The following THADA variants were observed in gnomAD, a reference collection of about 807,000 sequenced individuals.
THADA encodes the protein tRNA (32-2'-O)-methyltransferase regulator THADA.
In THADA, 213 loss-of-function variants were observed where a neutral mutation model predicts 219.8. The observed-to-expected ratio is 0.97, with a 90% CI of 0.87 to 1.09. THADA has a LOEUF of 1.09. THADA is among the 50% of genes least tolerant of loss of function. The pLI is 0.00. For missense variants in THADA, 2,956 were observed against 2,311.3 expected (o/e 1.28, Z -5.72); for synonymous variants, 1,018 against 828.9 (o/e 1.23, Z -3.92).
At chr2:43,345,194 C>T (rs964087822) in intron 29 of THADA, among the ~76,000 whole-genome samples, 4 of 152,202 alleles carry the variant, frequency 2.6e-5, no homozygotes, top group African/African-American at 7.2e-5. Context: ...CCAGATTCAA[C>T]GTTTTCCTCT....
intron 26 of THADA, among the ~76,000 whole-genome samples, chr2:43,470,474 T>G (rs1037682984): frequency 6.6e-6 from 1 of 152,164 alleles, no homozygotes; most frequent in Non-Finnish European, 1.5e-5. Context: ...TAAGGAATGT[T>G]ACTTAAGCAC....
chr2:43,481,851 C>G (rs1446745123), intron 26 of THADA, among the ~76,000 whole-genome samples: 1 of 152,156 alleles, frequency 6.6e-6, no homozygotes, highest in African/African-American at 2.4e-5. Context: ...TTTGGCAAAG[C>G]ACACTCCAAG....
chr2:43,313,483 C>A (rs1009773967), intron 31 of THADA, among the ~76,000 whole-genome samples: 2 of 152,140 alleles, frequency 1.3e-5, no homozygotes, highest in Non-Finnish European at 2.9e-5. Flanking sequence ...ACAAAGAAAC[C>A]ACAAAATGTA....
At chr2:43,392,684 C>A (rs1219982899) in intron 29 of THADA, among the ~76,000 whole-genome samples, 1 of 152,032 alleles carries the variant, frequency 6.6e-6, no homozygotes, top group Non-Finnish European at 1.5e-5. Context: ...TATTGGGGTG[C>A]TCCAGACTCA....
At chr2:43,581,618 A>G in intron 8 of THADA, 123 bp downstream of exon 8, 1 of 786,840 alleles carries the variant, frequency 1.3e-6, no homozygotes, top group South Asian at 1.8e-5. Context: ...TGAGAGGCTG[A>G]GTAAGGACAC....
intron 31 of THADA, among the ~76,000 whole-genome samples, chr2:43,315,068 C>A: frequency 6.6e-6 from 1 of 152,324 alleles, no homozygotes. Context: ...GTAGGAACAG[C>A]CTTCCAAGGC....
intron 26 of THADA, among the ~76,000 whole-genome samples, chr2:43,475,324 C>T (rs186965493): frequency 1.8e-3 from 268 of 145,610 alleles, no homozygotes; most frequent in African/African-American, 6.5e-3. Flanking sequence ...GTTGAGGCGG[C>T]GGGAGGATGG....
intron 31 of THADA, among the ~76,000 whole-genome samples, chr2:43,316,077 G>A (rs2104451024): frequency 6.6e-6 from 1 of 152,256 alleles, no homozygotes; most frequent in East Asian, 1.9e-4. Flanking sequence ...TGCTTGATTT[G>A]TGCCCTTACA....
intron 7 of THADA, among the ~76,000 whole-genome samples, chr2:43,583,443 C>T (rs1700673911): frequency 6.6e-6 from 1 of 152,216 alleles, no homozygotes; most frequent in Non-Finnish European, 1.5e-5. Context: ...GTCCTTACCT[C>T]TCAGTTCTCA....
intron 31 of THADA, among the ~76,000 whole-genome samples, chr2:43,296,506 C>T (rs1353161851): frequency 6.6e-6 from 1 of 151,796 alleles, no homozygotes; most frequent in Non-Finnish European, 1.5e-5. Flanking sequence ...AAACTCCTGA[C>T]CTCAGGTGAT....
intron 28 of THADA, among the ~76,000 whole-genome samples, chr2:43,419,594 GA>G (rs956232750): frequency 6.6e-6 from 1 of 151,964 alleles, no homozygotes; most frequent in Admixed American, 6.6e-5. Flanking sequence ...TCTTCTGGAA[GA>G]AAAAAACACA....
intron 26 of THADA, among the ~76,000 whole-genome samples, chr2:43,465,559 T>G (rs528235921): frequency 6.6e-6 from 1 of 152,240 alleles, no homozygotes; most frequent in South Asian, 2.1e-4. Flanking sequence ...AACAAAATAC[T>G]CACAGATCTT....
At chr2:43,384,824 T>C (rs781412023) in intron 29 of THADA, among the ~76,000 whole-genome samples, 1 of 151,712 alleles carries the variant, frequency 6.6e-6, no homozygotes, top group Admixed American at 6.6e-5. Context: ...TTAAAATAAA[T>C]AACTAAATAA....
chr2:43,475,949 A>G (rs1057015683), intron 26 of THADA, among the ~76,000 whole-genome samples: 1 of 152,276 alleles, frequency 6.6e-6, no homozygotes, highest in African/African-American at 2.4e-5. Flanking sequence ...AGAATGTAGT[A>G]GCACACATGA....
intron 31 of THADA, among the ~76,000 whole-genome samples, chr2:43,297,452 G>GT (rs1675597824): frequency 9.0e-6 from 1 of 111,026 alleles, no homozygotes; most frequent in Non-Finnish European, 1.8e-5. Context: ...GGAGGTGGGG[G>GT]GGGGTCAGCC....
intron 15 of THADA, chr2:43,563,238 C>T (rs1257369595): frequency 3.3e-5 from 5 of 152,146 alleles, no homozygotes; most frequent in Non-Finnish European, 7.4e-5. Flanking sequence ...AGTTTTCGTA[C>T]GTTGTATTTT....
At chr2:43,316,874 C>G (rs993338333) in intron 31 of THADA, among the ~76,000 whole-genome samples, 1 of 152,168 alleles carries the variant, frequency 6.6e-6, no homozygotes, top group Non-Finnish European at 1.5e-5. Flanking sequence ...TTTTGGTAAG[C>G]CGAGATTGTG....
At chr2:43,358,409 T>C (rs1669116776) in intron 29 of THADA, among the ~76,000 whole-genome samples, 2 of 152,062 alleles carry the variant, frequency 1.3e-5, no homozygotes, top group South Asian at 4.2e-4. Context: ...ACTTTTCAGT[T>C]CTGTGCCCAA....
At chr2:43,448,108 CA>C (rs1264452300) in intron 26 of THADA, among the ~76,000 whole-genome samples, 1 of 152,078 alleles carries the variant, frequency 6.6e-6, no homozygotes, top group Non-Finnish European at 1.5e-5. Flanking sequence ...CGAAACAAAA[CA>C]AAACCAGTGA....
Sources: gnomAD v4.1 joint callset for allele counts (sites outside exome capture counted in the v4.1 genomes callset) on GRCh38, gnomAD v4.1.1 for gene constraint, MANE v1.5 for transcripts, NCBI Gene and HGNC (gene_info 2026-07-23, HGNC 2026-07-21) for gene names.